Variants in SERPINA6 observed in about 807,000 individuals in gnomAD.
SERPINA6 encodes corticosteroid-binding globulin.
In SERPINA6, 19 loss-of-function variants were observed where a neutral mutation model predicts 26.4. The ratio of observed to expected loss-of-function variants is 0.72; its 90% CI spans 0.50 to 1.06. The LOEUF is 1.06. Among genes scored for constraint, SERPINA6 ranks in the 50% least tolerant of loss-of-function variants. The pLI, the probability that SERPINA6 is intolerant of heterozygous loss-of-function variation, is 0.00. For synonymous variants in SERPINA6, 196 were observed against 199.4 expected (o/e 0.98, Z 0.14); for missense variants, 473 against 504.0 (o/e 0.94, Z 0.59).
intron 1 of SERPINA6, among the ~76,000 whole-genome samples, chr14:94,318,960 A>G (rs1895647934): frequency 6.6e-6 from 1 of 152,236 alleles, no homozygotes; most frequent in African/African-American, 2.4e-5. Flanking sequence ...AAACCCAAGA[A>G]CAACAACAAA....
chr14:94,317,980 T>C (rs1895635015), intron 1 of SERPINA6, among the ~76,000 whole-genome samples: 1 of 152,204 alleles, frequency 6.6e-6, no homozygotes, highest in African/African-American at 2.4e-5. Flanking sequence ...TAAACACATT[T>C]AGCAAAGTTG....
chr14:94,319,291 A>T (rs1270729245), intron 1 of SERPINA6, among the ~76,000 whole-genome samples: 2 of 144,830 alleles, frequency 1.4e-5, no homozygotes, highest in African/African-American at 2.5e-5. Flanking sequence ...CCTTTAAAAA[A>T]ATTTTTTTTT....
In SERPINA6 at chr14:94,309,812, T is replaced by C. The variant is rs1023481849; in HGVS notation, c.808A>G (p.Lys270Glu). 1.9e-6 allele frequency: 3 copies of C among 1,614,072 alleles called. No individual in the cohort carries two copies. The African/African-American group carries it at 4.0e-5, about 22-fold the overall frequency. ...GCGATGACTGTGTTCATCTTCCCCT[T>C]GTCCGGAAGGATGAAGAAGACAGTC... Reference protein sequence around the residue: ...NGTVFFILPDKGKMNTVIAAL... With the variant: ...NGTVFFILPDEGKMNTVIAAL... Residue 270 changes from lysine (K) to glutamate (E), a missense_variant, in exon 3 of 5, where the codon AAG (lysine) becomes GAG (glutamate). Lys to Glu is a moderately conservative substitution (Grantham distance 56). Coordinates refer to ENST00000341584, the MANE Select transcript of SERPINA6 (RefSeq NM_001756.4).
intron 1 of SERPINA6, 39 bp from the exon 2 acceptor site, chr14:94,314,706 C>G (rs752529756): frequency 5.6e-6 from 9 of 1,595,172 alleles, no homozygotes; most frequent in Non-Finnish European, 7.7e-6. Flanking sequence ...CTGTGGCAGT[C>G]TCTGAGTCAA....
rs397940881 is a variant in SERPINA6 at position 94,311,947 on chromosome 14, C to CA, written c.614-1942dup. 5.4e-3 allele frequency among the ~76,000 whole-genome samples: 820 copies of CA among 151,160 alleles called. 9 individuals carry two copies. Among genetic ancestry groups the CA allele is most frequent in the African/African-American group, 0.019 (795 of 41,172 alleles). On this transcript the variant is annotated intron_variant, in intron 2 of 4. Transcript: ENST00000341584. The stretch of plus-strand genomic sequence containing the variant: ...TGGGCAACTGAGCAAGACTCCGTCT[C>CA]AAAAAAAATAAAAATAAATAAATAA...
chr14:94,306,208 G>C lies in SERPINA6; in HGVS notation c.895C>G (p.Leu299Val), dbSNP rs751466880. The C allele has an allele frequency of 5.6e-6, 9 of 1,614,044 alleles. No homozygotes were observed. The highest frequency in any genetic ancestry group is 1.3e-5 in the African/African-American group (1 of 74,918). Residue 299 changes from leucine (L) to valine (V), a missense_variant, in exon 4 of 5, where the codon CTG becomes GTG. Coordinates refer to ENST00000341584, the MANE Select transcript of SERPINA6 (RefSeq NM_001756.4). Reference protein sequence around the residue: ...SAGLTSSQVDLYIPKVTISGV... With the variant: ...SAGLTSSQVDVYIPKVTISGV... ...GAGATGGTGACCTTTGGAATGTACA[G>C]GTCCACCTGGCTGCTCGGGGTAAGC...
chr14:94,308,742 C>T (rs1166117120), intron 3 of SERPINA6, among the ~76,000 whole-genome samples: 3 of 152,224 alleles, frequency 2.0e-5, no homozygotes, highest in Non-Finnish European at 4.4e-5. Flanking sequence ...TACTGTCTAG[C>T]TCAGGGGTGC....
chr14:94,308,545 TC>T (rs1213876625), intron 3 of SERPINA6, among the ~76,000 whole-genome samples: 5 of 152,204 alleles, frequency 3.3e-5, no homozygotes, highest in Non-Finnish European at 5.9e-5. Context: ...CTCCTCAGCA[TC>T]CCCCCTGCTT....
At chr14:94,306,996 G>T (rs1895450308) in intron 3 of SERPINA6, among the ~76,000 whole-genome samples, 1 of 152,164 alleles carries the variant, frequency 6.6e-6, no homozygotes, top group Non-Finnish European at 1.5e-5. Context: ...GAAGGCACGA[G>T]ACCCTCTCCT....
At chr14:94,314,688 G>A in intron 1 of SERPINA6, 21 bp from the exon 2 acceptor site, 1 of 1,604,672 alleles carries the variant, frequency 6.2e-7, no homozygotes, top group East Asian at 2.2e-5. Flanking sequence ...AGAAAAGCTT[G>A]TTAGATGCTG....
chr14:94,306,052 G>A lies in SERPINA6; in HGVS notation c.1032+19C>T. 1 of 1,613,998 alleles carries A rather than the reference G, an allele frequency of 6.2e-7. No individual in the cohort carries two copies. The highest frequency in any genetic ancestry group is 8.5e-7 in the Non-Finnish European group (1 of 1,179,860). Reference sequence around the variant, plus strand: ...GAATTTTGGAGGGGGAAGAAAAGGTGGGTTCCCATGACATTTACCTTTGAT... The same window carrying A: ...GAATTTTGGAGGGGGAAGAAAAGGTAGGTTCCCATGACATTTACCTTTGAT... On this transcript the variant is annotated intron_variant, in intron 4 of 4. Coordinates refer to ENST00000341584, the MANE Select transcript of SERPINA6 (RefSeq NM_001756.4).
chr14:94,304,673 G>A (rs1185720001), intron 4 of SERPINA6, 70 bp from the exon 5 acceptor site: 1 of 1,345,580 alleles, frequency 7.4e-7, no homozygotes, highest in African/African-American at 1.4e-5. Context: ...CTCATTGCTG[G>A]GACCCTTCAC....
intron 1 of SERPINA6, among the ~76,000 whole-genome samples, chr14:94,317,233 GATCAGTGTAATAC>G (rs1895625558): frequency 6.6e-6 from 1 of 152,114 alleles, no homozygotes; most frequent in East Asian, 1.9e-4. Context: ...TACAAAAATT[GATCAGTGTAATAC>G]ATCATATTAA....
chr14:94,313,912 G>C, intron 2 of SERPINA6, 124 bp downstream of exon 2: 1 of 1,024,378 alleles, frequency 9.8e-7, no homozygotes, highest in Non-Finnish European at 1.5e-6. Context: ...TGAAGATGGA[G>C]ATTCCCAGAT....
At chr14:94,310,042 A>G in intron 2 of SERPINA6, 36 bp from the exon 3 acceptor site, 1 of 1,610,712 alleles carries the variant, frequency 6.2e-7, no homozygotes, top group Non-Finnish European at 8.5e-7. Flanking sequence ...TAGGGCAGAG[A>G]GGAAAACACA....
At chr14:94,311,719 C>G (rs1018223068) in intron 2 of SERPINA6, among the ~76,000 whole-genome samples, 2 of 152,076 alleles carry the variant, frequency 1.3e-5, no homozygotes, top group Non-Finnish European at 2.9e-5. Context: ...GCGGGTGGAT[C>G]ATGAGGTCAG....
At position 94,309,939 on chromosome 14, in the gene SERPINA6, A is replaced by G; in HGVS notation, c.681T>C (p.Thr227=). 2 of 1,614,116 alleles carry G rather than the reference A, an allele frequency of 1.2e-6. No homozygotes were observed. The highest frequency in any genetic ancestry group is 1.7e-6 in the Non-Finnish European group (2 of 1,180,016). The change falls in exon 3 of 5, where the codon ACT becomes ACC. Residue 227 remains threonine (T), a synonymous_variant. Coordinates refer to ENST00000341584, the MANE Select transcript of SERPINA6 (RefSeq NM_001756.4). The part of the protein sequence containing the change: ...REENFYVDET[T]VVKVPMMLQS... ...GCAACATCATGGGCACCTTCACCAC[A>G]GTTGTCTCGTCCACATAGAAGTTCT... is the stretch of plus-strand genomic sequence containing the variant.
At position 94,314,224 on chromosome 14, in the gene SERPINA6, G is replaced by A. The variant is rs768665551; in HGVS notation, c.425C>T (p.Ser142Leu). 1.2e-6 allele frequency: 2 copies of A among 1,614,080 alleles called. No homozygotes were observed. The highest frequency in any genetic ancestry group is 1.7e-6 in the Non-Finnish European group (2 of 1,179,922). ...FLDGSLELLESFSADIKHYYE... is the reference protein window; with the variant it reads ...FLDGSLELLELFSADIKHYYE... ...GTAGTGCTTGATGTCTGCTGAGAAT[G>A]ACTCCAGCAACTCCAGGCTGCCATC... The change falls in exon 2 of 5, where the codon TCA becomes TTA. Residue 142 changes from serine to leucine, a missense_variant. Ser to Leu is a moderately radical substitution (Grantham distance 145, BLOSUM62 -2). Coordinates refer to ENST00000341584, the MANE Select transcript of SERPINA6 (RefSeq NM_001756.4).
chr14:94,304,657 T>C, intron 4 of SERPINA6, 54 bp from the exon 5 acceptor site: 1 of 1,464,780 alleles, frequency 6.8e-7, no homozygotes, highest in South Asian at 1.2e-5. Context: ...GTTCTCGCTT[T>C]CCTGACTCAT....
Sources: gnomAD v4.1 joint callset for allele counts (sites outside exome capture counted in the v4.1 genomes callset) on GRCh38, gnomAD v4.1.1 for gene constraint, MANE v1.5 for transcripts, NCBI Gene and HGNC (gene_info 2026-07-23, HGNC 2026-07-21) for gene names.